The following MACROD2 variants were observed in gnomAD, a reference collection of about 807,000 sequenced individuals.
MACROD2 encodes the protein mono-ADP ribosylhydrolase 2.
Under a neutral mutation model 70.4 loss-of-function variants are expected in MACROD2, and 36 were observed. That is an observed-to-expected ratio of 0.51 (90% CI 0.39 to 0.68). The LOEUF is 0.68. Among genes scored for constraint, MACROD2 ranks in the 30% least tolerant of loss-of-function variants. The pLI, the probability that MACROD2 is intolerant of heterozygous loss-of-function variation, is 0.00. For synonymous variants in MACROD2, 172 were observed against 178.8 expected (o/e 0.96, Z 0.30); for missense variants, 496 against 538.4 (o/e 0.92, Z 0.78).
intron 10 of MACROD2, among the ~76,000 whole-genome samples, chr20:15,929,619 A>G (rs2065543712): frequency 6.6e-6 from 1 of 152,168 alleles, no homozygotes; most frequent in Non-Finnish European, 1.5e-5. Flanking sequence ...TTGTTTCCCC[A>G]GTATAGCGAT....
At chr20:15,679,082 C>T (rs1454312678) in intron 8 of MACROD2, among the ~76,000 whole-genome samples, 6 of 151,942 alleles carry the variant, frequency 3.9e-5, no homozygotes, top group Non-Finnish European at 8.8e-5. Flanking sequence ...ACTAAAAATA[C>T]AAAAATTAGC....
intron 5 of MACROD2, among the ~76,000 whole-genome samples, chr20:15,161,225 G>A (rs2076345958): frequency 6.6e-6 from 1 of 151,792 alleles, no homozygotes; most frequent in Non-Finnish European, 1.5e-5. Context: ...ACACAACTGA[G>A]GACATAATAT....
chr20:14,565,979 C>T (rs566508724), intron 4 of MACROD2, among the ~76,000 whole-genome samples: 2 of 152,000 alleles, frequency 1.3e-5, no homozygotes, highest in Admixed American at 1.3e-4. Context: ...GGACATGGCT[C>T]CTTTATTTAA....
At chr20:14,991,316 T>C (rs544319769) in intron 5 of MACROD2, among the ~76,000 whole-genome samples, 2 of 152,216 alleles carry the variant, frequency 1.3e-5, no homozygotes, top group South Asian at 4.2e-4. Context: ...TTTTAAAGAA[T>C]TGACTACACA....
intron 8 of MACROD2, among the ~76,000 whole-genome samples, chr20:15,798,629 G>T (rs1295157870): frequency 6.6e-6 from 1 of 152,174 alleles, no homozygotes; most frequent in Non-Finnish European, 1.5e-5. Flanking sequence ...TTATAGAAGG[G>T]TATGTATGAT....
intron 3 of MACROD2, among the ~76,000 whole-genome samples, chr20:14,180,573 C>T (rs2081297673): frequency 6.6e-6 from 1 of 151,972 alleles, no homozygotes; most frequent in Admixed American, 6.6e-5. Context: ...GTTGTTCAGG[C>T]ATTTAGATTA....
chr20:15,826,546 A>G (rs969658031), intron 8 of MACROD2, among the ~76,000 whole-genome samples: 1 of 152,222 alleles, frequency 6.6e-6, no homozygotes, highest in Non-Finnish European at 1.5e-5. Flanking sequence ...AGTCTCATCT[A>G]CCTTGAAACA....
chr20:15,520,714 G>GC (rs1458760957), intron 8 of MACROD2, among the ~76,000 whole-genome samples: 2 of 152,062 alleles, frequency 1.3e-5, no homozygotes, highest in African/African-American at 4.8e-5. Context: ...AGTCAGACGG[G>GC]CCCCTGATAT....
At chr20:14,960,890 C>T (rs767620663) in intron 5 of MACROD2, among the ~76,000 whole-genome samples, 13 of 152,046 alleles carry the variant, frequency 8.6e-5, no homozygotes, top group Non-Finnish European at 1.3e-4. Flanking sequence ...CAAGGGTGAA[C>T]AGCGATTAAA....
At chr20:14,579,273 C>G (rs1351241685) in intron 4 of MACROD2, among the ~76,000 whole-genome samples, 1 of 151,294 alleles carries the variant, frequency 6.6e-6, no homozygotes, top group East Asian at 1.9e-4. Context: ...TCCCCAGTAG[C>G]TGGGACTACA....
chr20:15,351,076 G>A (rs1318799440), intron 6 of MACROD2, among the ~76,000 whole-genome samples: 3 of 141,042 alleles, frequency 2.1e-5, no homozygotes, highest in African/African-American at 7.8e-5. Flanking sequence ...GATTTCTGAT[G>A]TCTAAGCAAG....
At chr20:14,534,513 T>A (rs1402776442) in intron 4 of MACROD2, among the ~76,000 whole-genome samples, 5 of 152,226 alleles carry the variant, frequency 3.3e-5, no homozygotes, top group African/African-American at 1.2e-4. Flanking sequence ...TATGTATAAT[T>A]GGGATCAATG....
chr20:14,830,952 C>T (rs552555177), intron 5 of MACROD2, among the ~76,000 whole-genome samples: 1 of 152,224 alleles, frequency 6.6e-6, no homozygotes, highest in East Asian at 1.9e-4. Flanking sequence ...CTGGCTTTAC[C>T]TGTACCTAGT....
intron 8 of MACROD2, among the ~76,000 whole-genome samples, chr20:15,706,931 C>T (rs1282588192): frequency 1.3e-5 from 2 of 152,104 alleles, no homozygotes; most frequent in African/African-American, 2.4e-5. Context: ...GTTACAAGTC[C>T]AGATTGGCAA....
intron 3 of MACROD2, among the ~76,000 whole-genome samples, chr20:14,346,878 A>G (rs1019100322): frequency 1.3e-5 from 2 of 152,160 alleles, no homozygotes; most frequent in East Asian, 1.9e-4. Context: ...GATCTCTTTT[A>G]CTATATTCTC....
chr20:15,600,157 A>G (rs923837155), intron 8 of MACROD2, among the ~76,000 whole-genome samples: 4 of 152,054 alleles, frequency 2.6e-5, no homozygotes, highest in African/African-American at 9.7e-5. Flanking sequence ...GCCAGTACAG[A>G]CTAAGCCACT....
At chr20:14,376,514 A>G (rs1363380608) in intron 3 of MACROD2, among the ~76,000 whole-genome samples, 1 of 152,106 alleles carries the variant, frequency 6.6e-6, no homozygotes, top group Non-Finnish European at 1.5e-5. Flanking sequence ...TTGGGAGGCC[A>G]AGGTGGGAGG....
At chr20:14,645,330 C>T (rs1985328773) in intron 4 of MACROD2, among the ~76,000 whole-genome samples, 1 of 151,916 alleles carries the variant, frequency 6.6e-6, no homozygotes, top group Non-Finnish European at 1.5e-5. Flanking sequence ...TTCTAGTCAG[C>T]CTTTTCATTT....
intron 3 of MACROD2, among the ~76,000 whole-genome samples, chr20:14,318,047 G>A (rs1208416306): frequency 6.6e-6 from 1 of 151,892 alleles, no homozygotes; most frequent in Non-Finnish European, 1.5e-5. Context: ...GCCTTTTCTG[G>A]GTATATTCAT....
Sources: allele counts gnomAD v4.1 joint callset (sites outside exome capture counted in the v4.1 genomes callset), GRCh38; gene constraint gnomAD v4.1.1; transcripts MANE v1.5; gene names NCBI Gene and HGNC (gene_info 2026-07-23, HGNC 2026-07-21).